The following TNFSF4 variants were observed in gnomAD, a reference collection of about 807,000 sequenced individuals.
The protein encoded by TNFSF4 is TNF superfamily member 4, also known as tumor necrosis factor ligand superfamily member 4.
Under a neutral mutation model 7.3 loss-of-function variants are expected in TNFSF4, and 4 were observed. The ratio of observed to expected loss-of-function variants is 0.55; its 90% CI spans 0.27 to 1.25. The LOEUF (loss-of-function observed/expected upper bound fraction) is 1.25, where lower values mean the gene tolerates loss of function less well. Ranked by LOEUF, TNFSF4 falls within the 50% of genes most tolerant of loss-of-function variation. The probability of loss-of-function intolerance (pLI) is 0.12; values close to 1 mark genes in which losing one functional copy is unlikely to be tolerated. For missense variants in TNFSF4, 181 were observed against 208.8 expected, an observed-to-expected ratio of 0.87 and a Z score of 0.82; for synonymous variants, 76 against 83.7, an observed-to-expected ratio of 0.91 and a Z score of 0.50.
chr1:173,196,878 T>C (rs1276493128), intron 1 of TNFSF4, among the ~76,000 whole-genome samples: 1 of 152,178 alleles, frequency 6.6e-6, no homozygotes, highest in Non-Finnish European at 1.5e-5. Flanking sequence ...CAATGATTGG[T>C]TAAGTCTCTA....
the TNFSF4 span, among the ~76,000 whole-genome samples, chr1:173,359,510 TAAAAAAAAAAAAAAAA>T: frequency 2.5e-4 from 31 of 122,752 alleles, no homozygotes; most frequent in African/African-American, 8.0e-4. Flanking sequence ...TTACCAGCTG[TAAAAAAAAAAAAAAAA>T]AAAAAAAAAA....
chr1:173,399,176 G>A, the TNFSF4 span, among the ~76,000 whole-genome samples: 443 of 152,012 alleles, frequency 2.9e-3, 1 homozygote, highest in African/African-American at 7.0e-3. Flanking sequence ...GCACAAGTAA[G>A]TAATATGAAG....
chr1:173,386,144 G>C, the TNFSF4 span, among the ~76,000 whole-genome samples: 1 of 152,200 alleles, frequency 6.6e-6, no homozygotes, highest in Admixed American at 6.5e-5. Context: ...TGGCAAGTGA[G>C]GGGCCCAGGG....
the TNFSF4 span, among the ~76,000 whole-genome samples, chr1:173,177,512 A>T: frequency 6.6e-5 from 10 of 152,148 alleles, no homozygotes; most frequent in Non-Finnish European, 1.3e-4. Flanking sequence ...GTGACGAAAA[A>T]ATCTGTATAC....
At chr1:173,402,387 T>C in the TNFSF4 span, among the ~76,000 whole-genome samples, 2 of 152,232 alleles carry the variant, frequency 1.3e-5, no homozygotes, top group African/African-American at 2.4e-5. Context: ...TGGGACTCCA[T>C]ACTGTTGCTG....
the TNFSF4 span, among the ~76,000 whole-genome samples, chr1:173,320,346 G>C: frequency 6.6e-6 from 1 of 152,108 alleles, no homozygotes. Context: ...AATAATAAGA[G>C]CTATTTATGA....
chr1:173,269,777 C>T, the TNFSF4 span, among the ~76,000 whole-genome samples: 1 of 152,112 alleles, frequency 6.6e-6, no homozygotes. Context: ...TGGTTGACCA[C>T]TGGTAACTGA....
At chr1:173,229,187 G>A in the TNFSF4 span, among the ~76,000 whole-genome samples, 6 of 152,182 alleles carry the variant, frequency 3.9e-5, no homozygotes, top group African/African-American at 1.2e-4. Flanking sequence ...ACAAAGAAAG[G>A]TCAAGTTACC....
chr1:173,229,978 A>C, the TNFSF4 span, among the ~76,000 whole-genome samples: 2 of 152,170 alleles, frequency 1.3e-5, no homozygotes, highest in African/African-American at 4.8e-5. Flanking sequence ...CCAAACAATA[A>C]TAATGGGAGA....
the TNFSF4 span, among the ~76,000 whole-genome samples, chr1:173,388,824 A>C: frequency 2.0e-5 from 3 of 152,206 alleles, no homozygotes; most frequent in African/African-American, 7.2e-5. Flanking sequence ...AATACAGTAA[A>C]CATTGATAGG....
the TNFSF4 span, among the ~76,000 whole-genome samples, chr1:173,322,796 A>G: frequency 2.0e-5 from 3 of 152,318 alleles, no homozygotes; most frequent in Middle Eastern, 3.4e-3. Flanking sequence ...CTGCTAGCAC[A>G]GCAGCCTGAG....
the TNFSF4 span, among the ~76,000 whole-genome samples, chr1:173,255,074 T>C: frequency 2.0e-5 from 3 of 152,172 alleles, no homozygotes; most frequent in Non-Finnish European, 4.4e-5. Flanking sequence ...AGTCTTTCTC[T>C]TTTTCAAGTA....
chr1:173,342,482 T>C, the TNFSF4 span, among the ~76,000 whole-genome samples: 1 of 152,136 alleles, frequency 6.6e-6, no homozygotes, highest in African/African-American at 2.4e-5. Context: ...ATTCTTCCTT[T>C]TTGACAAAAC....
intron 1 of TNFSF4, among the ~76,000 whole-genome samples, chr1:173,195,480 C>T (rs1337069655): frequency 6.6e-6 from 1 of 152,216 alleles, no homozygotes; most frequent in African/African-American, 2.4e-5. Flanking sequence ...TCTTTCTTGG[C>T]CTCCTTCAGT....
chr1:173,303,060 T>G, the TNFSF4 span, among the ~76,000 whole-genome samples: 4 of 151,808 alleles, frequency 2.6e-5, no homozygotes, highest in Non-Finnish European at 5.9e-5. Flanking sequence ...GACAGATTCA[T>G]TTTACAGAAA....
At chr1:173,400,296 G>C in the TNFSF4 span, among the ~76,000 whole-genome samples, 1 of 152,176 alleles carries the variant, frequency 6.6e-6, no homozygotes, top group Admixed American at 6.5e-5. Flanking sequence ...AACTGGGCAA[G>C]ACTCCCCCAG....
At chr1:173,231,459 G>C in the TNFSF4 span, among the ~76,000 whole-genome samples, 1 of 152,028 alleles carries the variant, frequency 6.6e-6, no homozygotes, top group Admixed American at 6.6e-5. Flanking sequence ...AATAATAATA[G>C]CTATTTATGA....
At chr1:173,323,810 G>GA in the TNFSF4 span, among the ~76,000 whole-genome samples, 1 of 152,006 alleles carries the variant, frequency 6.6e-6, no homozygotes, top group Non-Finnish European at 1.5e-5. Flanking sequence ...GAAGTTTAGA[G>GA]AAAAAAGAAT....
chr1:173,441,751 G>C, the TNFSF4 span, among the ~76,000 whole-genome samples: 1 of 152,200 alleles, frequency 6.6e-6, no homozygotes, highest in Non-Finnish European at 1.5e-5. Flanking sequence ...TTGTGTATAG[G>C]TGAACAAGAA....
Sources: allele counts gnomAD v4.1 joint callset (sites outside exome capture counted in the v4.1 genomes callset), GRCh38; gene constraint gnomAD v4.1.1; transcripts MANE v1.5; gene names NCBI Gene and HGNC (gene_info 2026-07-23, HGNC 2026-07-21).